Variants in CDH2 observed in about 807,000 individuals in gnomAD.
The protein encoded by CDH2 is cadherin-2.
Under a neutral mutation model 92.0 loss-of-function variants are expected in CDH2, and 17 were observed. The observed-to-expected ratio is 0.18, with a 90% CI of 0.13 to 0.28. The LOEUF (loss-of-function observed/expected upper bound fraction) is 0.28. Among genes scored for constraint, CDH2 ranks in the 10% least tolerant of loss-of-function variants. The probability of loss-of-function intolerance (pLI) is 1.00; values close to 1 mark genes in which losing one functional copy is unlikely to be tolerated. For missense variants in CDH2, 862 were observed against 1,133.1 expected (o/e 0.76, Z 3.44); for synonymous variants, 419 against 415.9 (o/e 1.01, Z -0.09).
At chr18:28,108,294 A>G (rs947229713) in intron 2 of CDH2, among the ~76,000 whole-genome samples, 1 of 152,194 alleles carries the variant, frequency 6.6e-6, no homozygotes, top group Non-Finnish European at 1.5e-5. Flanking sequence ...GGATCTATAA[A>G]TGTTTAAACT....
chr18:28,131,683 G>GGT (rs33990872), intron 2 of CDH2, among the ~76,000 whole-genome samples: 2,286 of 150,144 alleles, frequency 0.015, 51 homozygotes, highest in African/African-American at 0.047. Flanking sequence ...AAGCATTTGT[G>GGT]GTGTGTGTGT....
At chr18:28,172,010 A>C (rs570398131) in intron 1 of CDH2, among the ~76,000 whole-genome samples, 1 of 152,190 alleles carries the variant, frequency 6.6e-6, no homozygotes, top group East Asian at 1.9e-4. Context: ...TTGACACTTC[A>C]TATCAGACTG....
rs474904 is a variant in CDH2, at chr18:28,042,330, G to T, written c.173-28421C>A. On this transcript the variant is annotated intron_variant, in intron 2 of 15. Coordinates refer to ENST00000269141, the MANE Select transcript of CDH2 (RefSeq NM_001792.5). ...CCAGTTTAAAAGTTCTTTGGTAATT[G>T]CGTTATCAATCTGACTCAGATGACA... Among the ~76,000 whole-genome samples, 803 of 152,160 alleles carry T rather than the reference G, an allele frequency of 5.3e-3. 7 individuals carry two copies. The highest frequency in any genetic ancestry group is 0.019 in the African/African-American group (773 of 41,522).
chr18:28,068,133 A>G (rs1311786846), intron 2 of CDH2, among the ~76,000 whole-genome samples: 1 of 152,126 alleles, frequency 6.6e-6, no homozygotes, highest in Non-Finnish European at 1.5e-5. Context: ...CTTCCGAAAC[A>G]CAAGGGAGGA....
chr18:27,953,760 C>T (rs957524399), intron 15 of CDH2, among the ~76,000 whole-genome samples: 1 of 152,084 alleles, frequency 6.6e-6, no homozygotes. Context: ...TCATCTACAA[C>T]TGTAATCATA....
chr18:28,025,880 A>G (rs1334396848), intron 2 of CDH2, among the ~76,000 whole-genome samples: 1 of 152,194 alleles, frequency 6.6e-6, no homozygotes, highest in Admixed American at 6.5e-5. Flanking sequence ...TAATTTTTAT[A>G]TATTTTATTG....
At chr18:28,086,738 T>C (rs2014937003) in intron 2 of CDH2, among the ~76,000 whole-genome samples, 1 of 152,170 alleles carries the variant, frequency 6.6e-6, no homozygotes, top group African/African-American at 2.4e-5. Context: ...TCTCATCTCA[T>C]TAGAATTTCA....
At chr18:28,133,182 T>C (rs1337358571) in intron 2 of CDH2, among the ~76,000 whole-genome samples, 1 of 152,202 alleles carries the variant, frequency 6.6e-6, no homozygotes, top group Admixed American at 6.5e-5. Context: ...CATTTGCTAA[T>C]GATATGCTTT....
Position 27,992,754 on chromosome 18 carries a change from G to C in CDH2, c.1245C>G (p.Ala415=), listed in dbSNP as rs756075579. The part of the protein sequence containing the change: ...VTDKDQPHTP[A]WNAVYRISGG... The stretch of plus-strand genomic sequence containing the variant: ...CACTGATTCTGTACACTGCGTTCCA[G>C]GCTGGTGTATGGGGTTGATCCTTAT... Residue 415 remains alanine, a synonymous_variant, in exon 9 of 16, where the codon GCC becomes GCG. Transcript: ENST00000269141. 2.5e-6 allele frequency: 4 copies of C among 1,614,016 alleles called. No individual in the cohort carries two copies. The highest frequency in any genetic ancestry group is 2.5e-6 in the Non-Finnish European group (3 of 1,179,894).
At chr18:28,076,705 G>T (rs1353287216) in intron 2 of CDH2, among the ~76,000 whole-genome samples, 1 of 92,058 alleles carries the variant, frequency 1.1e-5, no homozygotes, top group Non-Finnish European at 2.1e-5. Context: ...CCCACCCGAC[G>T]ACAGGCCCCG....
At chr18:28,020,057 C>T (rs929567947) in intron 2 of CDH2, among the ~76,000 whole-genome samples, 21 of 152,200 alleles carry the variant, frequency 1.4e-4, no homozygotes, top group African/African-American at 4.3e-4. Context: ...TTTCAAATTT[C>T]AATGGATAAC....
At chr18:28,018,473 A>T (rs118170287) in intron 2 of CDH2, among the ~76,000 whole-genome samples, 3 of 152,262 alleles carry the variant, frequency 2.0e-5, no homozygotes, top group Non-Finnish European at 4.4e-5. Flanking sequence ...GAGGTATTAC[A>T]TTACTTGACC....
At chr18:28,049,791 T>G (rs370020087) in intron 2 of CDH2, among the ~76,000 whole-genome samples, 1 of 152,204 alleles carries the variant, frequency 6.6e-6, no homozygotes, top group Non-Finnish European at 1.5e-5. Flanking sequence ...TAATAATTAT[T>G]ATGATGATAA....
At chr18:28,052,960 G>C (rs1401750264) in intron 2 of CDH2, among the ~76,000 whole-genome samples, 2 of 152,046 alleles carry the variant, frequency 1.3e-5, no homozygotes, top group South Asian at 2.1e-4. Flanking sequence ...GAGGTCGTAT[G>C]GGGGGGTCCT....
intron 2 of CDH2, among the ~76,000 whole-genome samples, chr18:28,057,706 A>G (rs1046291260): frequency 3.3e-5 from 5 of 152,080 alleles, no homozygotes; most frequent in African/African-American, 1.2e-4. Context: ...TGTTAGATTG[A>G]TCAAGGTCAA....
intron 2 of CDH2, among the ~76,000 whole-genome samples, chr18:28,109,057 C>A (rs562035244): frequency 6.6e-6 from 1 of 152,074 alleles, no homozygotes; most frequent in Non-Finnish European, 1.5e-5. Context: ...GCATCTGAAC[C>A]ACAGCCACCA....
intron 1 of CDH2, among the ~76,000 whole-genome samples, chr18:28,156,053 T>G (rs574530506): frequency 6.6e-6 from 1 of 152,212 alleles, no homozygotes; most frequent in African/African-American, 2.4e-5. Flanking sequence ...TTTTAACTCT[T>G]TCTTGCCTTC....
chr18:27,953,972 C>A (rs529600837), intron 15 of CDH2, among the ~76,000 whole-genome samples: 1 of 152,130 alleles, frequency 6.6e-6, no homozygotes, highest in Non-Finnish European at 1.5e-5. Flanking sequence ...CTGCTTGACT[C>A]ACGTCAAAAA....
rs200254151 is a variant in CDH2, at chr18:27,963,361, T to A, written c.2510A>T (p.Asn837Ile). 92 of 1,613,908 alleles carry A rather than the reference T, an allele frequency of 5.7e-5. No individual in the cohort carries two copies. Among genetic ancestry groups the A allele is most frequent in the Non-Finnish European group, 7.8e-5 (92 of 1,179,978 alleles). ...PHPGDIGDFI[N>I]EGLKAADNDP... ...AAAACGAGTGTCTCTCTGTACCTCA[T>A]TAATGAAGTCCCCAATGTCTCCAGG... The change falls in exon 15 of 16, where the codon AAT becomes ATT. Residue 837 changes from asparagine to isoleucine, a missense_variant. Around this residue, in one of 5 missense-constraint regions of CDH2, gnomAD observed 114 missense variants for 144.8 expected, o/e 0.79. Coordinates refer to ENST00000269141, the MANE Select transcript of CDH2 (RefSeq NM_001792.5).
Sources: allele counts gnomAD v4.1 joint callset (sites outside exome capture counted in the v4.1 genomes callset), GRCh38; gene constraint gnomAD v4.1.1; regional missense constraint gnomAD v4.1.1; transcripts MANE v1.5; gene names NCBI Gene and HGNC (gene_info 2026-07-23, HGNC 2026-07-21).